SPATS2: variants seen among roughly 807,000 people sequenced by gnomAD.
The protein encoded by SPATS2 is spermatogenesis-associated serine-rich protein 2.
A neutral mutation model predicts 63.7 loss-of-function variants in SPATS2; 38 were observed. The ratio of observed to expected loss-of-function variants is 0.60; its 90% confidence interval spans 0.46 to 0.78. The LOEUF (loss-of-function observed/expected upper bound fraction) is 0.78, where lower values mean the gene tolerates loss of function less well. Among genes scored for constraint, SPATS2 ranks in the 30% least tolerant of loss-of-function variants. SPATS2 has a pLI of 0.00. For synonymous variants in SPATS2, 207 were observed against 232.9 expected (o/e 0.89, Z 1.01); for missense variants, 588 against 666.2 (o/e 0.88, Z 1.29).
At chr12:49,431,100 T>C (rs1319666496) in intron 2 of SPATS2, among the ~76,000 whole-genome samples, 1 of 152,192 alleles carries the variant, frequency 6.6e-6, no homozygotes, top group Non-Finnish European at 1.5e-5. Flanking sequence ...TACCCTAGTT[T>C]CCTATCTTTT....
chr12:49,448,960 T>G (rs1455739426), intron 2 of SPATS2, among the ~76,000 whole-genome samples: 6 of 152,214 alleles, frequency 3.9e-5, no homozygotes, highest in Admixed American at 2.0e-4. Context: ...TTACAACTAT[T>G]CATTTCTGCC....
rs1592489488 is a variant in SPATS2, at chr12:49,526,499, G to A, written c.*244G>A. The A allele has an allele frequency of 2.0e-6, 1 of 506,722 alleles. No homozygotes were observed. The highest frequency in any genetic ancestry group is 3.6e-5 in the East Asian group (1 of 27,656). The allele number at this position is 506,722 out of a possible 1,614,324, so 31.4% of individuals were successfully genotyped here. A position where few individuals can be genotyped will look rare whatever the true frequency, so the allele number is the denominator to read the frequency against. The stretch of plus-strand genomic sequence containing the variant: ...TGAATCTGGTTGGTCATTTCCACCA[G>A]GAATCAGAGGCAGCTGTTACCAGGT... On this transcript the variant is annotated 3_prime_UTR_variant, in exon 14 of 14. Transcript: ENST00000552918.
upstream of SPATS2, chr12:49,367,306 G>A (rs1281596439): frequency 5.3e-6 from 2 of 374,268 alleles, no homozygotes; most frequent in East Asian, 7.7e-5. Context: ...GCCCGAGAGG[G>A]CTCCGGGGCG....
At chr12:49,503,570 T>A (rs1481449385) in intron 9 of SPATS2, among the ~76,000 whole-genome samples, 37 of 136,622 alleles carry the variant, frequency 2.7e-4, no homozygotes, top group African/African-American at 8.9e-4. Context: ...AATGGCGTGA[T>A]CCCGGGAGGA....
At chr12:49,453,301 AC>A (rs2137627057) in intron 2 of SPATS2, among the ~76,000 whole-genome samples, 1 of 152,218 alleles carries the variant, frequency 6.6e-6, no homozygotes, top group Non-Finnish European at 1.5e-5. Flanking sequence ...ATATCTCATA[AC>A]TTTTTGTTGA....
Position 49,414,935 on chromosome 12 carries a change from C to CTTT in SPATS2, c.-244+43647_-244+43649dup, listed in dbSNP as rs199648430. On this transcript the variant is annotated intron_variant, in intron 2 of 13. Coordinates refer to ENST00000552918, the MANE Select transcript of SPATS2 (RefSeq NM_023071.4). ...TCTTTCTTTTTCTTTTTTTCTTTTT[C>CTTT]TTTTCTTTTTTTTTTTTTTTTGAGA... Among the ~76,000 whole-genome samples, 12 of 135,910 alleles carry CTTT rather than the reference C, an allele frequency of 8.8e-5. 1 individual carries two copies. The highest frequency in any genetic ancestry group is 2.3e-4 in the African/African-American group (8 of 34,472). The allele number at this position is 135,910 out of a possible 152,430, so 89.2% of individuals were successfully genotyped here.
chr12:49,473,421 A>T (rs1200233654), intron 3 of SPATS2, among the ~76,000 whole-genome samples: 1 of 152,192 alleles, frequency 6.6e-6, no homozygotes, highest in Admixed American at 6.5e-5. Context: ...TCTCACACAC[A>T]CATACACACA....
At chr12:49,416,404 G>T (rs911812926) in intron 2 of SPATS2, among the ~76,000 whole-genome samples, 3 of 152,050 alleles carry the variant, frequency 2.0e-5, no homozygotes, top group African/African-American at 7.2e-5. Context: ...AGGCTTACTG[G>T]GTATCTTATA....
intron 2 of SPATS2, among the ~76,000 whole-genome samples, chr12:49,391,673 ATATAT>A (rs1020333665): frequency 4.6e-5 from 7 of 152,196 alleles, no homozygotes; most frequent in Admixed American, 1.3e-4. Context: ...ACATGATGAA[ATATAT>A]TATACTCATT....
intron 2 of SPATS2, among the ~76,000 whole-genome samples, chr12:49,437,418 A>G (rs1945332457): frequency 6.6e-6 from 1 of 152,088 alleles, no homozygotes; most frequent in Non-Finnish European, 1.5e-5. Flanking sequence ...CTCACTTCCC[A>G]GACGGGGTGG....
chr12:49,483,733 A>G (rs1592444328), intron 3 of SPATS2, among the ~76,000 whole-genome samples: 1 of 152,146 alleles, frequency 6.6e-6, no homozygotes. Flanking sequence ...TCTAACTCCT[A>G]AGCTACTTCC....
At chr12:49,412,113 C>A (rs952724138) in intron 2 of SPATS2, among the ~76,000 whole-genome samples, 5 of 152,080 alleles carry the variant, frequency 3.3e-5, no homozygotes, top group African/African-American at 1.2e-4. Context: ...TCTGCAGATA[C>A]AACTGCATTT....
In SPATS2 at chr12:49,410,151, C is replaced by T. The variant is rs61449923; in HGVS notation, c.-244+38861C>T. Among the ~76,000 whole-genome samples, 911 of 152,176 alleles carry T rather than the reference C, an allele frequency of 6.0e-3. 10 individuals carry two copies. Among genetic ancestry groups the T allele is most frequent in the African/African-American group, 0.02 (835 of 41,508 alleles). On this transcript the variant is annotated intron_variant, in intron 2 of 13. Coordinates refer to ENST00000552918, the MANE Select transcript of SPATS2 (RefSeq NM_023071.4). ...AGTGCAATGGTGCAGTCTTGGCTCA[C>T]TGCAGCCTCTGCCTCCCGGGCTCTA...
intron 3 of SPATS2, among the ~76,000 whole-genome samples, chr12:49,461,589 C>T (rs1183676727): frequency 1.3e-5 from 2 of 152,160 alleles, no homozygotes; most frequent in Non-Finnish European, 2.9e-5. Flanking sequence ...AAGTGAACAA[C>T]AGCACTAGAA....
At chr12:49,442,774 A>T (rs1360116532) in intron 2 of SPATS2, 1 of 121,762 alleles carries the variant, frequency 8.2e-6, no homozygotes, top group Non-Finnish European at 1.6e-5. Flanking sequence ...ACAGAGAGAG[A>T]CCATGTCTCC....
intron 5 of SPATS2, among the ~76,000 whole-genome samples, chr12:49,489,878 A>G (rs1946355582): frequency 6.6e-6 from 1 of 152,222 alleles, no homozygotes; most frequent in East Asian, 1.9e-4. Flanking sequence ...TAAGAATTTA[A>G]GAGACTCTTA....
intron 4 of SPATS2, among the ~76,000 whole-genome samples, chr12:49,484,928 A>G (rs916399829): frequency 6.6e-6 from 1 of 152,176 alleles, no homozygotes; most frequent in Non-Finnish European, 1.5e-5. Flanking sequence ...TTCAGTATTA[A>G]TTAGTTGATT....
At chr12:49,371,673 T>G (rs1195876088) in intron 2 of SPATS2, among the ~76,000 whole-genome samples, 1 of 152,108 alleles carries the variant, frequency 6.6e-6, no homozygotes, top group Non-Finnish European at 1.5e-5. Flanking sequence ...TGGGGAGGCC[T>G]CAGGAAGCTT....
chr12:49,385,260 CG>C (rs992301555), intron 2 of SPATS2, among the ~76,000 whole-genome samples: 4 of 147,172 alleles, frequency 2.7e-5, no homozygotes, highest in African/African-American at 7.6e-5. Context: ...TAGTATTTCA[CG>C]GGGTAATAAA....
Sources: gnomAD v4.1 joint callset for allele counts (sites outside exome capture counted in the v4.1 genomes callset) on GRCh38, gnomAD v4.1.1 for gene constraint, MANE v1.5 for transcripts, NCBI Gene and HGNC (gene_info 2026-07-23, HGNC 2026-07-21) for gene names.